TGM2: variants seen among roughly 807,000 people sequenced by gnomAD.
TGM2 encodes transglutaminase 2, also known as protein-glutamine gamma-glutamyltransferase 2.
In TGM2, 53 loss-of-function variants were observed where a neutral mutation model predicts 75.6. The observed-to-expected ratio is 0.70, with a 90% CI of 0.56 to 0.88. The LOEUF (loss-of-function observed/expected upper bound fraction) is 0.88. TGM2 is among the 40% of genes least tolerant of loss of function. The pLI, the probability that TGM2 is intolerant of heterozygous loss-of-function variation, is 0.00. For synonymous variants in TGM2, 374 were observed against 381.1 expected (o/e 0.98, Z 0.22); for missense variants, 842 against 928.5 (o/e 0.91, Z 1.21).
intron 1 of TGM2, 37 bp from the exon 2 acceptor site, chr20:38,161,636 C>T (rs764903140): frequency 1.2e-6 from 2 of 1,612,912 alleles, no homozygotes; most frequent in African/African-American, 1.3e-5. Flanking sequence ...GCCTCGGGGG[C>T]ATCCTTCAGA....
intron 1 of TGM2, among the ~76,000 whole-genome samples, chr20:38,163,001 T>C (rs1222097083): frequency 2.0e-5 from 3 of 152,198 alleles, no homozygotes; most frequent in Non-Finnish European, 4.4e-5. Context: ...TCTCTGTGAC[T>C]CCTCCTCTGA....
intron 3 of TGM2, among the ~76,000 whole-genome samples, chr20:38,152,924 C>T (rs2075130884): frequency 6.6e-6 from 1 of 152,114 alleles, no homozygotes; most frequent in Non-Finnish European, 1.5e-5. Context: ...AACTCTGAAA[C>T]CTTGTGGTGT....
At chr20:38,137,742 A>T (rs1481885231) in intron 10 of TGM2, among the ~76,000 whole-genome samples, 3 of 152,178 alleles carry the variant, frequency 2.0e-5, no homozygotes, top group African/African-American at 4.8e-5. Flanking sequence ...AGTGGAATTC[A>T]CTGGGAGAGG....
chr20:38,165,325 G>A, upstream of TGM2: 1 of 1,431,856 alleles, frequency 7.0e-7, no homozygotes, highest in East Asian at 2.4e-5. Flanking sequence ...GGCCGGGGGC[G>A]GGGCCCCGCG....
chr20:38,143,696 T>C (rs2075007545), intron 6 of TGM2, among the ~76,000 whole-genome samples: 1 of 152,218 alleles, frequency 6.6e-6, no homozygotes, highest in South Asian at 2.1e-4. Flanking sequence ...TTTATGTGTA[T>C]TGTAAAAGTA....
intron 10 of TGM2, chr20:38,132,940 C>T (rs993441033): frequency 4.5e-6 from 2 of 441,010 alleles, no homozygotes; most frequent in Non-Finnish European, 4.6e-6. Context: ...TCAGAGCCGA[C>T]ATCTGCTTGC....
chr20:38,158,787 T>C (rs1363024582), intron 2 of TGM2, among the ~76,000 whole-genome samples: 1 of 152,168 alleles, frequency 6.6e-6, no homozygotes, highest in Non-Finnish European at 1.5e-5. Flanking sequence ...TGGGCCTCAG[T>C]TTCCCATCAC....
At chr20:38,165,057 A>C (rs972361622) in intron 1 of TGM2, 132 bp downstream of exon 1, 22 of 1,318,300 alleles carry the variant, frequency 1.7e-5, no homozygotes, top group Admixed American at 3.7e-5. Context: ...AGCAGCATTG[A>C]GACGCCTCCT....
intron 12 of TGM2, 53 bp from the exon 13 acceptor site, chr20:38,130,422 A>G: frequency 6.5e-7 from 1 of 1,544,266 alleles, no homozygotes; most frequent in Non-Finnish European, 8.8e-7. Flanking sequence ...TGGCTCCCGC[A>G]TGCTGGGGTC....
At position 38,129,930 on chromosome 20, in the gene TGM2, G is replaced by T. The variant is rs2074805292; in HGVS notation, c.*289C>A. ...GGCTTTCCAAAGGGCATCTGGGCAG[G>T]AGAGGGAATGTAGGTCTTTCCTCTC... On this transcript the variant is annotated 3_prime_UTR_variant, in exon 13 of 13. Coordinates refer to ENST00000361475, the MANE Select transcript of TGM2 (RefSeq NM_004613.4). 3 of 490,502 alleles carry T rather than the reference G, an allele frequency of 6.1e-6. No individual in the cohort carries two copies. Among genetic ancestry groups the T allele is most frequent in the Non-Finnish European group, 1.1e-5 (3 of 269,870 alleles). 30.4% of individuals were successfully genotyped at this position (490,502 alleles called of 1,614,324 possible). A position where few individuals can be genotyped will look rare whatever the true frequency, so the allele number is the denominator to read the frequency against.
intron 10 of TGM2, chr20:38,132,840 G>A (rs1198615827): frequency 2.1e-6 from 1 of 469,614 alleles, no homozygotes; most frequent in Non-Finnish European, 4.2e-6. Context: ...CTAAGGCTGT[G>A]GGAGGATGAG....
At chr20:38,161,154 C>T (rs1230016373) in intron 2 of TGM2, among the ~76,000 whole-genome samples, 1 of 152,164 alleles carries the variant, frequency 6.6e-6, no homozygotes, top group Non-Finnish European at 1.5e-5. Flanking sequence ...GACCTGCAAC[C>T]CTGGTGATAA....
chr20:38,155,833 G>T lies in TGM2; in HGVS notation c.433+14C>A, dbSNP rs759190276. On this transcript the variant is annotated intron_variant, in intron 3 of 12. Transcript: ENST00000361475. Reference sequence around the variant, plus strand: ...GCCCACCCCAACGCTGTGAGTGGATGGCGTGTGGCTCACCTGGGCACCAGG... The same window carrying T: ...GCCCACCCCAACGCTGTGAGTGGATTGCGTGTGGCTCACCTGGGCACCAGG... 1 of 1,592,958 alleles carries T rather than the reference G, an allele frequency of 6.3e-7. No individual in the cohort carries two copies. Among genetic ancestry groups the T allele is most frequent in the South Asian group, 1.1e-5 (1 of 87,438 alleles).
chr20:38,140,852 C>T (rs532938503), intron 8 of TGM2, among the ~76,000 whole-genome samples: 11 of 152,252 alleles, frequency 7.2e-5, no homozygotes, highest in Admixed American at 5.9e-4. Context: ...TGTCCATATG[C>T]ATCACAAAAT....
intron 1 of TGM2, among the ~76,000 whole-genome samples, chr20:38,164,558 T>TG (rs1333119169): frequency 6.6e-6 from 1 of 151,702 alleles, no homozygotes; most frequent in East Asian, 1.9e-4. Flanking sequence ...GACAGATGGG[T>TG]GGGGGTCTTG....
Position 38,161,485 on chromosome 20 carries a change from G to C in TGM2, c.125C>G (p.Thr42Ser). ...VVRRGQPFWLTLHFEGRNYEA... is the reference protein window; with the variant it reads ...VVRRGQPFWLSLHFEGRNYEA... ...GTAGTTGCGGCCCTCAAAGTGCAGG[G>C]TCAGCCAGAAGGGCTGGCCCCGTCG... The change falls in exon 2 of 13, where the codon ACC (threonine) becomes AGC (serine). Residue 42 changes from threonine (T) to serine (S), a missense_variant. By Grantham distance (58) the Thr-to-Ser change is moderately conservative. Coordinates refer to ENST00000361475, the MANE Select transcript of TGM2 (RefSeq NM_004613.4). 2 of 1,614,142 alleles carry C rather than the reference G, an allele frequency of 1.2e-6. No homozygotes were observed. The highest frequency in any genetic ancestry group is 1.7e-6 in the Non-Finnish European group (2 of 1,180,030).
At chr20:38,151,498 G>T (rs1363882634) in intron 3 of TGM2, among the ~76,000 whole-genome samples, 3 of 152,208 alleles carry the variant, frequency 2.0e-5, no homozygotes, top group African/African-American at 7.2e-5. Flanking sequence ...ACCCTGGGTA[G>T]GCTACTTTGC....
At chr20:38,160,617 T>C (rs1047069993) in intron 2 of TGM2, among the ~76,000 whole-genome samples, 1 of 152,198 alleles carries the variant, frequency 6.6e-6, no homozygotes, top group African/African-American at 2.4e-5. Flanking sequence ...CTAGTCTTTC[T>C]GTCCAGCCCC....
intron 10 of TGM2, among the ~76,000 whole-genome samples, chr20:38,134,516 C>T (rs942553422): frequency 6.6e-6 from 1 of 152,192 alleles, no homozygotes; most frequent in African/African-American, 2.4e-5. Context: ...TGAAAGTCTC[C>T]GTCCACAAGC....
Sources: allele counts gnomAD v4.1 joint callset (sites outside exome capture counted in the v4.1 genomes callset), GRCh38; gene constraint gnomAD v4.1.1; transcripts MANE v1.5; gene names NCBI Gene and HGNC (gene_info 2026-07-23, HGNC 2026-07-21).